The following KIFC3 variants were observed in gnomAD, a reference collection of about 807,000 sequenced individuals.
The protein encoded by KIFC3 is kinesin-like protein KIFC3.
In KIFC3, 60 loss-of-function variants were observed where a neutral mutation model predicts 101.8. The observed-to-expected ratio is 0.59, with a 90% CI of 0.48 to 0.73. The LOEUF (loss-of-function observed/expected upper bound fraction) is 0.73, where lower values mean the gene tolerates loss of function less well. KIFC3 is among the 30% of genes least tolerant of loss of function. The pLI is 0.00. For synonymous variants in KIFC3, 476 were observed against 482.7 expected, an observed-to-expected ratio of 0.99 and a Z score of 0.18; for missense variants, 966 against 1,137.1, an observed-to-expected ratio of 0.85 and a Z score of 2.16.
chr16:57,820,168 CTT>C (rs1555629665), intron 1 of KIFC3, among the ~76,000 whole-genome samples: 2 of 152,240 alleles, frequency 1.3e-5, no homozygotes, highest in African/African-American at 4.8e-5. Flanking sequence ...TACCTTCTGA[CTT>C]TAAAATGTGG....
chr16:57,860,131 C>A (rs1375876998), intron 1 of KIFC3, among the ~76,000 whole-genome samples: 1 of 150,910 alleles, frequency 6.6e-6, no homozygotes, highest in Non-Finnish European at 1.5e-5. Flanking sequence ...TTAATTCCTC[C>A]CTAGGAAATT....
intron 1 of KIFC3, among the ~76,000 whole-genome samples, chr16:57,808,787 C>G (rs1004856314): frequency 4.3e-4 from 66 of 152,280 alleles, no homozygotes; most frequent in African/African-American, 1.3e-3. Context: ...CTGGCTCAGT[C>G]ACTTCTGCTG....
chr16:57,782,218 A>G (rs572280756), intron 3 of KIFC3: 2 of 879,440 alleles, frequency 2.3e-6, no homozygotes, highest in Admixed American at 1.2e-4. Flanking sequence ...CCAAACTGCA[A>G]TGCGACATTT....
At chr16:57,793,456 G>A (rs1208420571) in intron 3 of KIFC3, among the ~76,000 whole-genome samples, 2 of 151,274 alleles carry the variant, frequency 1.3e-5, no homozygotes, top group Admixed American at 6.6e-5. Context: ...AGCTGGGCAC[G>A]GTGGCACACG....
rs201048139 is a variant in KIFC3 at position 57,795,094 on chromosome 16, G to A, written c.220C>T (p.Arg74Ter). The change falls in exon 3 of 20, where the codon CGA (arginine) becomes TGA (stop). Residue 74 changes from arginine to a stop codon, truncating the protein, a stop_gained. Coordinates refer to ENST00000445690, the MANE Select transcript of KIFC3 (RefSeq NM_001130100.2). LOFTEE classifies it high-confidence loss of function. ...PVCGDEDSSA[R>*]SAARPALAQC... ...GCTAGGGCTGGGCGAGCTGCACTTC[G>A]GGCACTGGAGTCCTCGTCACCGCAG... 98 of 1,602,744 alleles carry A rather than the reference G, an allele frequency of 6.1e-5. No individual in the cohort carries two copies. The highest frequency in any genetic ancestry group is 1.5e-5 in the African/African-American group (1 of 68,730).
chr16:57,805,474 C>T (rs1555626741), upstream of KIFC3, among the ~76,000 whole-genome samples: 1 of 152,122 alleles, frequency 6.6e-6, no homozygotes, highest in Non-Finnish European at 1.5e-5. Context: ...AGGGAGGACT[C>T]TTGGGTTCAG....
At chr16:57,811,331 T>C (rs2055068523) in intron 1 of KIFC3, among the ~76,000 whole-genome samples, 1 of 152,224 alleles carries the variant, frequency 6.6e-6, no homozygotes, top group African/African-American at 2.4e-5. Context: ...TTGTACACTT[T>C]AAACAGGGAA....
rs781839031 is a variant in KIFC3 at position 57,798,217 on chromosome 16, G to T, written c.27C>A (p.Asn9Lys). The change falls in exon 2 of 20, where the codon AAC (asparagine) becomes AAA (lysine). Residue 9 changes from asparagine (N) to lysine (K), a missense_variant. Asn to Lys is a moderately conservative substitution (Grantham distance 94). Transcript: ENST00000445690. ...CCCGCAGCGAGGGCGTGGCTCCCAG[G>T]TTCCACGTCCTGCGAGAGGGGACCA... Reference protein sequence around the residue: MVPSRRTWNLGATPSLRGL... With the variant: MVPSRRTWKLGATPSLRGL... 3.2e-6 allele frequency: 5 copies of T among 1,549,282 alleles called. No homozygotes were observed. Among genetic ancestry groups the T allele is most frequent in the South Asian group, 1.2e-5 (1 of 84,088 alleles).
chr16:57,792,352 CTT>C (rs1237044050), intron 3 of KIFC3, among the ~76,000 whole-genome samples: 1 of 152,236 alleles, frequency 6.6e-6, no homozygotes, highest in Non-Finnish European at 1.5e-5. Flanking sequence ...GCTAGACTCT[CTT>C]GTCTCTTTCT....
At chr16:57,785,778 G>A (rs1420368247) in intron 3 of KIFC3, 5 of 532,882 alleles carry the variant, frequency 9.4e-6, no homozygotes, top group Non-Finnish European at 1.3e-5. Flanking sequence ...GCAAGCAGAG[G>A]GGGTGGGCAA....
At position 57,769,544 on chromosome 16, in the gene KIFC3, T is replaced by TC. The variant is rs1555605541; in HGVS notation, c.1218+50dup. 1.3e-6 allele frequency: 2 copies of TC among 1,565,662 alleles called. No individual in the cohort carries two copies. The highest frequency in any genetic ancestry group is 3.5e-5 in the Admixed American group (2 of 57,176). On this transcript the variant is annotated intron_variant, in intron 9 of 19. Transcript: ENST00000445690. The surrounding 1 kb of genome is among the most constrained non-coding windows in gnomAD (Gnocchi z 4.3). ...ACGCCCTGAGTGGATGTCGTGCCTC[T>TC]CCCAGTGCACCCCCTTAGCCTGGAC...
chr16:57,835,204 A>G (rs1202973476), intron 1 of KIFC3, among the ~76,000 whole-genome samples: 2 of 152,230 alleles, frequency 1.3e-5, no homozygotes, highest in African/African-American at 4.8e-5. Flanking sequence ...AGACGATTTC[A>G]TCAGAAGGTT....
intron 1 of KIFC3, among the ~76,000 whole-genome samples, chr16:57,800,989 T>G (rs1186510925): frequency 1.3e-5 from 2 of 152,226 alleles, no homozygotes. Flanking sequence ...CTTCATTATC[T>G]CCATCTATAA....
chr16:57,780,513 G>GA (rs1277418701), intron 3 of KIFC3, among the ~76,000 whole-genome samples: 4 of 130,428 alleles, frequency 3.1e-5, no homozygotes, highest in Non-Finnish European at 6.5e-5. Context: ...TCTCTCTCAA[G>GA]AAAAAAAATA....
chr16:57,837,664 G>A (rs2055723577), intron 1 of KIFC3, among the ~76,000 whole-genome samples: 1 of 152,176 alleles, frequency 6.6e-6, no homozygotes, highest in African/African-American at 2.4e-5. Context: ...CTGGGCAGGT[G>A]TGGGCAGACA....
intron 1 of KIFC3, among the ~76,000 whole-genome samples, chr16:57,842,684 A>G (rs1392093772): frequency 6.6e-6 from 1 of 152,190 alleles, no homozygotes; most frequent in Non-Finnish European, 1.5e-5. Context: ...TTATCTTATT[A>G]TAACATCCTA....
intron 3 of KIFC3, chr16:57,790,872 C>T: frequency 1.7e-5 from 17 of 983,308 alleles, no homozygotes; most frequent in Non-Finnish European, 2.1e-5. Flanking sequence ...GCCCAAAATT[C>T]ACCCCCTCCC....
chr16:57,813,881 G>C (rs2055153782), intron 1 of KIFC3: 4 of 985,034 alleles, frequency 4.1e-6, no homozygotes, highest in Admixed American at 6.1e-5. Context: ...CTGGTAGACA[G>C]GTAGGCAGAG....
chr16:57,816,788 C>T (rs542679599), intron 1 of KIFC3: 102 of 456,500 alleles, frequency 2.2e-4, no homozygotes, highest in African/African-American at 1.9e-3. Context: ...GGCAGGAGCT[C>T]ATGGGAAACC....
Sources: allele counts gnomAD v4.1 joint callset (sites outside exome capture counted in the v4.1 genomes callset), GRCh38; gene constraint gnomAD v4.1.1; non-coding constraint Gnocchi (gnomAD v3.1); transcripts MANE v1.5; gene names NCBI Gene and HGNC (gene_info 2026-07-23, HGNC 2026-07-21).